Variants in PCDH11X observed in about 807,000 individuals in gnomAD.
PCDH11X encodes the protein protocadherin 11 X-linked.
A neutral mutation model predicts 53.3 loss-of-function variants in PCDH11X; 18 were observed. That is an observed-to-expected ratio of 0.34 (90% CI 0.23 to 0.50). The LOEUF (loss-of-function observed/expected upper bound fraction) is 0.50. PCDH11X is among the 20% of genes least tolerant of loss of function. The pLI is 0.98. For synonymous variants in PCDH11X, 279 were observed against 393.3 expected (o/e 0.71, Z 3.44); for missense variants, 570 against 1,032.4 (o/e 0.55, Z 6.14).
At chrX:91,919,830 G>A (rs973554008) in intron 6 of PCDH11X, among the ~76,000 whole-genome samples, 20 of 111,714 alleles carry the variant, frequency 1.8e-4, no homozygotes, top group African/African-American at 5.8e-4. Flanking sequence ...ACTTTTATGA[G>A]TTAAAAGAAC....
intron 6 of PCDH11X, among the ~76,000 whole-genome samples, chrX:92,049,763 C>T (rs1287498382): frequency 2.7e-5 from 3 of 110,661 alleles, no homozygotes; most frequent in African/African-American, 9.9e-5. Flanking sequence ...TGATTGTCAG[C>T]GTGGTTTTTT....
chrX:92,013,953 C>T (rs1372813943), intron 6 of PCDH11X, among the ~76,000 whole-genome samples: 3 of 111,473 alleles, frequency 2.7e-5, no homozygotes, highest in East Asian at 2.8e-4. Context: ...TAGGCAATAC[C>T]ATTCAGGACA....
chrX:91,888,182 C>T (rs920106797), intron 6 of PCDH11X, among the ~76,000 whole-genome samples: 2 of 111,739 alleles, frequency 1.8e-5, no homozygotes, highest in African/African-American at 6.5e-5. Context: ...TCACAAATCA[C>T]ATTTCATTAG....
chrX:91,893,429 G>T (rs1264199936), intron 6 of PCDH11X, among the ~76,000 whole-genome samples: 1 of 105,864 alleles, frequency 9.4e-6, no homozygotes, highest in Non-Finnish European at 1.9e-5. Context: ...CTCACTGCAA[G>T]CGCTTTTAGG....
chrX:92,316,827 G>T (rs2069086671), intron 8 of PCDH11X, among the ~76,000 whole-genome samples: 1 of 110,306 alleles, frequency 9.1e-6, no homozygotes, highest in African/African-American at 3.3e-5. Flanking sequence ...CCCTGCATCT[G>T]CTAAAAACCA....
chrX:91,819,646 T>TC (rs1360289510), intron 4 of PCDH11X, among the ~76,000 whole-genome samples: 1 of 109,491 alleles, frequency 9.1e-6, no homozygotes, highest in Admixed American at 9.8e-5. Context: ...TTTTTTCCTT[T>TC]CTTTTTTTTA....
Position 92,468,165 on chromosome X carries a change from C to T in PCDH11X, c.3344-134C>T, listed in dbSNP as rs757098319. 7.7e-6 allele frequency: 7 copies of T among 904,535 alleles called. No individual in the cohort carries two copies. The African/African-American group carries it at 1.4e-4, about 18-fold the overall frequency. 74.5% of individuals were successfully genotyped at this position (904,535 alleles called of 1,213,427 possible). On this transcript the variant is annotated intron_variant, in intron 9 of 10. Coordinates refer to ENST00000682573, the MANE Select transcript of PCDH11X (RefSeq NM_032968.5). ...CAGTCCTAGTGTGTCTCAATTATCA[C>T]ATTCTTTGTAAAGTGAAGTAGAAAA...
At chrX:92,241,086 T>C (rs2067255082) in intron 7 of PCDH11X, among the ~76,000 whole-genome samples, 1 of 111,626 alleles carries the variant, frequency 9.0e-6, no homozygotes, top group Admixed American at 9.6e-5. Flanking sequence ...GGGGCTGATA[T>C]TAAAATAGTC....
chrX:91,903,408 A>G (rs1006573543), intron 6 of PCDH11X, among the ~76,000 whole-genome samples: 40 of 111,297 alleles, frequency 3.6e-4, no homozygotes, highest in Non-Finnish European at 6.8e-4. Context: ...AGTATACTAA[A>G]CAAAACTCTC....
chrX:92,024,906 T>C (rs1163840168), intron 6 of PCDH11X, among the ~76,000 whole-genome samples: 20 of 108,734 alleles, frequency 1.8e-4, no homozygotes, highest in Non-Finnish European at 1.1e-4. Context: ...CTGACAAAAA[T>C]AGGAATTGGG....
At chrX:92,124,558 A>C (rs1019236016) in intron 6 of PCDH11X, among the ~76,000 whole-genome samples, 1 of 108,354 alleles carries the variant, frequency 9.2e-6, no homozygotes, top group African/African-American at 3.4e-5. Context: ...AAAAAAAAAA[A>C]AATAGGCCTA....
intron 7 of PCDH11X, among the ~76,000 whole-genome samples, chrX:92,236,876 A>G (rs1384254272): frequency 1.8e-5 from 2 of 112,029 alleles, no homozygotes; most frequent in Non-Finnish European, 3.8e-5. Context: ...TGAGATGCCG[A>G]CTTAGACAAC....
intron 6 of PCDH11X, among the ~76,000 whole-genome samples, chrX:92,190,376 C>A (rs144304791): frequency 7.2e-5 from 8 of 111,352 alleles, no homozygotes; most frequent in Non-Finnish European, 1.3e-4. Flanking sequence ...GATGGTTGTA[C>A]GTGTGCAGTC....
chrX:91,820,004 T>A (rs1479232588), intron 4 of PCDH11X, among the ~76,000 whole-genome samples: 1 of 95,387 alleles, frequency 1.0e-5, no homozygotes, highest in Non-Finnish European at 2.0e-5. Context: ...CATGAACTCA[T>A]CATATTTTAT....
At chrX:92,058,440 A>G (rs1483015292) in intron 6 of PCDH11X, among the ~76,000 whole-genome samples, 19 of 110,937 alleles carry the variant, frequency 1.7e-4, no homozygotes, top group Non-Finnish European at 3.4e-4. Flanking sequence ...TTTTTGGACT[A>G]TATTTCATAA....
intron 6 of PCDH11X, among the ~76,000 whole-genome samples, chrX:91,900,131 C>T (rs1400777633): frequency 9.1e-6 from 1 of 110,489 alleles, no homozygotes; most frequent in African/African-American, 3.3e-5. Flanking sequence ...TATTCCCTAC[C>T]TCCATTGTGG....
rs755761355 is a variant in PCDH11X at position 91,968,354 on chromosome X, C to T, written c.3033+89081C>T. 3.0e-3 allele frequency among the ~76,000 whole-genome samples: 319 copies of T among 107,587 alleles called. 1 individual carries two copies. The highest frequency in any genetic ancestry group is 0.01 in the African/African-American group (306 of 29,201). 93.4% of individuals were successfully genotyped at this position (107,587 alleles called of 115,157 possible). A position where few individuals can be genotyped will look rare whatever the true frequency, so the allele number is the denominator to read the frequency against. ...TTTCAGATTTGTAAATAGTCTTTTT[C>T]TCTCCCAAAATACCACCACATTTGT... is the stretch of plus-strand genomic sequence containing the variant. On this transcript the variant is annotated intron_variant, in intron 6 of 10. Transcript: ENST00000682573.
chrX:92,451,966 G>A (rs991053044), intron 9 of PCDH11X, among the ~76,000 whole-genome samples: 1 of 107,131 alleles, frequency 9.3e-6, no homozygotes, highest in African/African-American at 3.4e-5. Flanking sequence ...TTAATCTGAG[G>A]TTATTCATGG....
intron 6 of PCDH11X, among the ~76,000 whole-genome samples, chrX:92,148,386 C>A (rs1389027290): frequency 9.6e-6 from 1 of 104,694 alleles, no homozygotes; most frequent in African/African-American, 3.5e-5. Context: ...CGCCGCCACA[C>A]CCAGCTAATT....
Sources: allele counts gnomAD v4.1 joint callset (sites outside exome capture counted in the v4.1 genomes callset), GRCh38; gene constraint gnomAD v4.1.1; transcripts MANE v1.5; gene names NCBI Gene and HGNC (gene_info 2026-07-23, HGNC 2026-07-21).